The following SNTG1 variants were observed in gnomAD, a reference collection of about 807,000 sequenced individuals.
SNTG1 encodes the protein gamma-1-syntrophin.
In SNTG1, 39 loss-of-function variants were observed where a neutral mutation model predicts 74.7. The ratio of observed to expected loss-of-function variants is 0.52; its 90% confidence interval spans 0.40 to 0.68. The LOEUF (loss-of-function observed/expected upper bound fraction) is 0.68. SNTG1 is among the 30% of genes least tolerant of loss of function. The pLI, the probability that SNTG1 is intolerant of heterozygous loss-of-function variation, is 0.00. For missense variants in SNTG1, 685 were observed against 609.5 expected (o/e 1.12, Z -1.30); for synonymous variants, 254 against 217.1 (o/e 1.17, Z -1.49).
At chr8:50,675,728 A>G (rs937740677) in intron 15 of SNTG1, among the ~76,000 whole-genome samples, 27 of 151,904 alleles carry the variant, frequency 1.8e-4, no homozygotes, top group Admixed American at 1.7e-3. Context: ...TTTGGCCATT[A>G]GTTGATGCAG....
chr8:50,399,919 C>A (rs4242461), intron 3 of SNTG1, among the ~76,000 whole-genome samples: 144,145 of 152,238 alleles, frequency 0.95, 68,514 homozygotes, highest in Non-Finnish European at 1. Flanking sequence ...ATGAAGAAAA[C>A]TTGCTTTCCT....
intron 2 of SNTG1, among the ~76,000 whole-genome samples, chr8:50,184,820 A>C (rs2131737252): frequency 6.6e-6 from 1 of 152,338 alleles, no homozygotes; most frequent in Admixed American, 6.5e-5. Flanking sequence ...AGGAAAAAAA[A>C]TTAAAATGTT....
intron 2 of SNTG1, among the ~76,000 whole-genome samples, chr8:50,351,708 A>G (rs955523003): frequency 2.0e-5 from 3 of 152,246 alleles, no homozygotes; most frequent in African/African-American, 7.2e-5. Context: ...TACAAAGAGC[A>G]GAGAACAGCT....
intron 18 of SNTG1, among the ~76,000 whole-genome samples, chr8:50,775,756 A>G (rs1370387454): frequency 6.6e-6 from 1 of 151,650 alleles, no homozygotes; most frequent in African/African-American, 2.4e-5. Flanking sequence ...TCACCTTTCA[A>G]TTCTATCAGT....
intron 13 of SNTG1, among the ~76,000 whole-genome samples, chr8:50,634,485 T>A (rs1187283609): frequency 6.6e-6 from 1 of 152,212 alleles, no homozygotes; most frequent in Non-Finnish European, 1.5e-5. Context: ...GTTTTTTAAC[T>A]GAAATTTTAT....
intron 1 of SNTG1, among the ~76,000 whole-genome samples, chr8:49,951,895 A>G (rs1472270704): frequency 4.8e-5 from 7 of 147,060 alleles, no homozygotes; most frequent in Non-Finnish European, 1.0e-4. Flanking sequence ...AAAAAAAAAA[A>G]AAAAAAAAAG....
chr8:49,911,012 C>G (rs920196514), upstream of SNTG1: 4 of 152,224 alleles, frequency 2.6e-5, no homozygotes, highest in Non-Finnish European at 4.4e-5. Flanking sequence ...GGCTCTGCAA[C>G]GATCCCGATC....
At chr8:50,523,452 C>T (rs540599183) in intron 9 of SNTG1, among the ~76,000 whole-genome samples, 1 of 152,088 alleles carries the variant, frequency 6.6e-6, no homozygotes, top group African/African-American at 2.4e-5. Flanking sequence ...ACTTGCAATT[C>T]TTTCTTTTAT....
intron 13 of SNTG1, among the ~76,000 whole-genome samples, chr8:50,625,523 C>T (rs1008512151): frequency 6.6e-6 from 1 of 152,104 alleles, no homozygotes; most frequent in Non-Finnish European, 1.5e-5. Flanking sequence ...AACTAAAAAT[C>T]AATAAATAAG....
intron 1 of SNTG1, among the ~76,000 whole-genome samples, chr8:49,965,854 T>A (rs1169620446): frequency 1.3e-5 from 2 of 152,212 alleles, no homozygotes; most frequent in East Asian, 1.9e-4. Context: ...TTTTTCTAAC[T>A]TCCTCCTGTG....
At chr8:50,535,017 G>T (rs917451442) in intron 10 of SNTG1, among the ~76,000 whole-genome samples, 14 of 152,038 alleles carry the variant, frequency 9.2e-5, no homozygotes, top group African/African-American at 3.1e-4. Flanking sequence ...TATAATATTT[G>T]ATACATTTTA....
intron 1 of SNTG1, among the ~76,000 whole-genome samples, chr8:49,977,738 A>G (rs189802271): frequency 6.6e-6 from 1 of 152,326 alleles, no homozygotes; most frequent in African/African-American, 2.4e-5. Flanking sequence ...TCTTACATTC[A>G]TTCCTCTTTT....
rs114442974 is a variant in SNTG1, at chr8:50,413,526, G to T, written c.162+11182G>T. Among the ~76,000 whole-genome samples, 1,380 of 152,186 alleles carry T rather than the reference G, an allele frequency of 9.1e-3. 27 individuals carry two copies. The highest frequency in any genetic ancestry group is 0.032 in the African/African-American group (1,308 of 41,518). On this transcript the variant is annotated intron_variant, in intron 4 of 18. Coordinates refer to ENST00000642720, the MANE Select transcript of SNTG1 (RefSeq NM_018967.5). ...AATCCATGCCCATCCACGCCCCATG[G>T]TAATCTGCTGTGTCACTCTGACATA...
chr8:49,978,047 G>A (rs755830879), intron 1 of SNTG1, among the ~76,000 whole-genome samples: 2 of 152,186 alleles, frequency 1.3e-5, no homozygotes, highest in African/African-American at 2.4e-5. Context: ...ATTTCCCACG[G>A]GGCCTGTTGC....
At chr8:50,377,999 G>A (rs1409582413) in intron 2 of SNTG1, among the ~76,000 whole-genome samples, 8 of 152,208 alleles carry the variant, frequency 5.3e-5, no homozygotes, top group Admixed American at 3.3e-4. Context: ...ACCTTTGCCC[G>A]AGTTTTGCTC....
intron 4 of SNTG1, among the ~76,000 whole-genome samples, chr8:50,406,961 T>A (rs1444911869): frequency 6.6e-6 from 1 of 152,176 alleles, no homozygotes; most frequent in East Asian, 1.9e-4. Flanking sequence ...TACTTTCAGA[T>A]AACCAGATAT....
At chr8:50,252,097 C>T (rs1268997580) in intron 2 of SNTG1, among the ~76,000 whole-genome samples, 3 of 151,882 alleles carry the variant, frequency 2.0e-5, no homozygotes, top group African/African-American at 7.3e-5. Context: ...AAACAGCATC[C>T]TCCACATTAA....
At chr8:50,531,944 C>T (rs186809369) in intron 10 of SNTG1, among the ~76,000 whole-genome samples, 52 of 152,188 alleles carry the variant, frequency 3.4e-4, no homozygotes, top group Non-Finnish European at 6.6e-4. Context: ...TAATCCATTC[C>T]ATTGACATAT....
chr8:50,241,411 A>C (rs1041079174), intron 2 of SNTG1, among the ~76,000 whole-genome samples: 1 of 152,170 alleles, frequency 6.6e-6, no homozygotes, highest in East Asian at 1.9e-4. Flanking sequence ...TAAATGGAAG[A>C]AAAACAATAT....
Sources: gnomAD v4.1 joint callset for allele counts (sites outside exome capture counted in the v4.1 genomes callset) on GRCh38, gnomAD v4.1.1 for gene constraint, MANE v1.5 for transcripts, NCBI Gene and HGNC (gene_info 2026-07-23, HGNC 2026-07-21) for gene names.